The following DNHD1 variants were observed in gnomAD, a reference collection of about 807,000 sequenced individuals.
The protein encoded by DNHD1 is dynein heavy chain domain-containing protein 1.
DNHD1 carries 383 observed loss-of-function variants against 458.1 expected under a neutral mutation model. That is an observed-to-expected ratio of 0.84 (90% CI 0.77 to 0.91). The LOEUF is 0.91. DNHD1 is among the 40% of genes least tolerant of loss of function. DNHD1 has a pLI of 0.00. For synonymous variants in DNHD1, 2,203 were observed against 2,376.9 expected (o/e 0.93, Z 2.13); for missense variants, 5,336 against 5,866.1 (o/e 0.91, Z 2.95).
At chr11:6,519,564 C>G (rs1453704629) in intron 7 of DNHD1, 36 bp from the exon 8 acceptor site, 1 of 1,610,190 alleles carries the variant, frequency 6.2e-7, no homozygotes. Context: ...TGCTCTCCAT[C>G]CCCCTATCTG....
In DNHD1 at chr11:6,546,341, A is replaced by G. The variant is rs1227339981; in HGVS notation, c.5402A>G (p.Tyr1801Cys). Residue 1801 changes from tyrosine (Y) to cysteine (C), a missense_variant, in exon 21 of 43, where the codon TAT (tyrosine) becomes TGT (cysteine). Tyr to Cys is a radical substitution (Grantham distance 194). Coordinates refer to ENST00000254579, the MANE Select transcript of DNHD1 (RefSeq NM_144666.3). The part of the protein sequence containing the change: ...EKHHVSVRLG[Y>C]GCLLVLRALS... ...CATCACGTGTCTGTGCGCCTTGGCT[A>G]TGGCTGTCTCCTGGTACTGCGTGCC... 5 of 1,552,274 alleles carry G rather than the reference A, an allele frequency of 3.2e-6. No individual in the cohort carries two copies. The highest frequency in any genetic ancestry group is 2.4e-5 in the East Asian group (1 of 40,910).
rs907784548 is a variant in DNHD1, at chr11:6,564,135, C to T, written c.10284+11C>T. 6.5e-7 allele frequency: 1 copy of T among 1,545,788 alleles called. No individual in the cohort carries two copies. Among genetic ancestry groups the T allele is most frequent in the Admixed American group, 2.0e-5 (1 of 50,922 alleles). On this transcript the variant is annotated intron_variant, in intron 31 of 42. Transcript: ENST00000254579. ...ACTACACAGCTCCAGGTAACCATCC[C>T]CCTCCCAGATGTCTCCCCCAAAGTT... is the stretch of plus-strand genomic sequence containing the variant.
rs764364083 is a variant in DNHD1, at chr11:6,546,999, C to T, written c.6060C>T (p.Thr2020=). ...TGGCAGCCATGGAGGACACCTCAAC[C>T]CAAGGCTGCCAGCCTGTGGAAATTA... ...NRLAAMEDTS[T]QGCQPVEITH... Residue 2020 remains threonine (T), a synonymous_variant, in exon 21 of 43, where the codon ACC becomes ACT. Coordinates refer to ENST00000254579, the MANE Select transcript of DNHD1 (RefSeq NM_144666.3). 8 of 1,551,452 alleles carry T rather than the reference C, an allele frequency of 5.2e-6. No homozygotes were observed. The highest frequency in any genetic ancestry group is 7.0e-6 in the Non-Finnish European group (8 of 1,146,924).
At chr11:6,558,874 A>T in intron 26 of DNHD1, 28 bp from the exon 27 acceptor site, 3 of 1,550,426 alleles carry the variant, frequency 1.9e-6, no homozygotes, top group Non-Finnish European at 2.6e-6. Context: ...AAGCTCACAG[A>T]GTGAGGCTAA....
In DNHD1 at chr11:6,546,891, G is replaced by C; in HGVS notation, c.5952G>C (p.Arg1984=). ...AACAGTTGAGCCAGGCCCTGAGCCGGGCCTCAGGCATTCTGCTCCTGGGCC... is the reference window on the plus strand; with the variant it reads ...AACAGTTGAGCCAGGCCCTGAGCCGCGCCTCAGGCATTCTGCTCCTGGGCC... The part of the protein sequence containing the change: ...SLEQLSQALS[R]ASGILLLGPA... Residue 1984 remains arginine (R), a synonymous_variant, in exon 21 of 43, where the codon CGG becomes CGC. Coordinates refer to ENST00000254579, the MANE Select transcript of DNHD1 (RefSeq NM_144666.3). The C allele has an allele frequency of 6.4e-7, 1 of 1,551,718 alleles. No homozygotes were observed. Among genetic ancestry groups the C allele is most frequent in the Non-Finnish European group, 8.7e-7 (1 of 1,146,984 alleles).
At position 6,558,970 on chromosome 11, in the gene DNHD1, C is replaced by G. The variant is rs1307847778; in HGVS notation, c.9280C>G (p.Leu3094Val). Residue 3094 changes from leucine to valine, a missense_variant, in exon 27 of 43, where the codon CTT becomes GTT. By Grantham distance (32) the Leu-to-Val change is conservative. Transcript: ENST00000254579. ...SVAKAMALIH[L>V]SATHYHEHLC... ...GGCCAAAGCCATGGCTCTTATCCAC[C>G]TTTCGGCCACCCACTACCATGAGCA... 6.4e-7 allele frequency: 1 copy of G among 1,551,738 alleles called. No homozygotes were observed. The highest frequency in any genetic ancestry group is 8.7e-7 in the Non-Finnish European group (1 of 1,147,008).
At chr11:6,542,916 G>T (rs1485179396) in intron 18 of DNHD1, among the ~76,000 whole-genome samples, 1 of 152,166 alleles carries the variant, frequency 6.6e-6, no homozygotes, top group Non-Finnish European at 1.5e-5. Context: ...GTGCTACCTC[G>T]TCATAATCTT....
intron 3 of DNHD1, among the ~76,000 whole-genome samples, chr11:6,499,444 C>T (rs1027686402): frequency 6.6e-6 from 1 of 152,184 alleles, no homozygotes; most frequent in Non-Finnish European, 1.5e-5. Flanking sequence ...GGCTCCAAGG[C>T]AGAGTGGAGT....
In DNHD1 at chr11:6,546,241, CAGG is replaced by C. The variant is rs1853214830; in HGVS notation, c.5306_5308del (p.Glu1769del). 1.9e-6 allele frequency: 3 copies of C among 1,552,056 alleles called. No individual in the cohort carries two copies. The African/African-American group carries it at 4.1e-5, about 21-fold the overall frequency. On this transcript the variant is annotated inframe_deletion, in exon 21 of 43. Transcript: ENST00000254579. ...GCACCACTTGTATGCCCCACTGTAC[CAGG>C]AGGCTTCCCGAAACACAAGCACCAT...
chr11:6,509,088 G>T lies in DNHD1; in HGVS notation c.1124+5G>T, dbSNP rs766092670. The T allele has an allele frequency of 1.2e-6, 2 of 1,614,172 alleles. No individual in the cohort carries two copies. The highest frequency in any genetic ancestry group is 1.7e-6 in the Non-Finnish European group (2 of 1,180,008). ...CTTACGCAAGTCCTTTACCTGGTAGGTAATGACGGATATGTGATTTGGGGG... is the reference window on the plus strand; with the variant it reads ...CTTACGCAAGTCCTTTACCTGGTAGTTAATGACGGATATGTGATTTGGGGG... On this transcript the variant is annotated splice_donor_5th_base_variant and intron_variant, in intron 5 of 42. Coordinates refer to ENST00000254579, the MANE Select transcript of DNHD1 (RefSeq NM_144666.3).
chr11:6,571,859 G>A lies in DNHD1; in HGVS notation c.14135G>A (p.Gly4712Glu). 1 of 1,614,010 alleles carries A rather than the reference G, an allele frequency of 6.2e-7. No individual in the cohort carries two copies. The highest frequency in any genetic ancestry group is 1.1e-5 in the South Asian group (1 of 91,088). ...LTVYSCPVYM[G>E]GPLGTAKLQS... The stretch of plus-strand genomic sequence containing the variant: ...GTGTACTCGTGTCCTGTGTACATGG[G>A]AGGGCCCCTTGGCACCGCTAAGCTG... Residue 4712 changes from glycine to glutamate, a missense_variant, in exon 43 of 43, where the codon GGA becomes GAA. Transcript: ENST00000254579. The surrounding 1 kb of genome is among the most constrained non-coding windows in gnomAD (Gnocchi z 5.0).
At chr11:6,540,119 CT>C (rs1375216672) in intron 18 of DNHD1, 36 bp downstream of exon 18, 1 of 1,526,582 alleles carries the variant, frequency 6.6e-7, no homozygotes, top group South Asian at 1.2e-5. Flanking sequence ...TGAAAGCCCC[CT>C]GCTGGGGGCC....
At position 6,571,646 on chromosome 11, in the gene DNHD1, G is replaced by A. The variant is rs1274377408; in HGVS notation, c.13922G>A (p.Gly4641Asp). The A allele has an allele frequency of 3.1e-6, 5 of 1,587,636 alleles. No individual in the cohort carries two copies. The highest frequency in any genetic ancestry group is 4.3e-6 in the Non-Finnish European group (5 of 1,165,538). Reference protein sequence around the residue: ...SNPLHFRVENGPNPTVPERGL... With the variant: ...SNPLHFRVENDPNPTVPERGL... ...TTCTGACGCCCCCAGGTGGAGAATG[G>A]TCCAAATCCCACGGTTCCAGAGAGA... The change falls in exon 43 of 43, where the codon GGT becomes GAT. Residue 4641 changes from glycine (G) to aspartate (D), a missense_variant. Transcript: ENST00000254579. This position sits in a 1 kb window ranked among gnomAD's most constrained non-coding sequence, Gnocchi z 5.0.
chr11:6,498,072 C>A lies in DNHD1; in HGVS notation c.-144C>A. 2 of 1,152,328 alleles carry A rather than the reference C, an allele frequency of 1.7e-6. No individual in the cohort carries two copies. Among genetic ancestry groups the A allele is most frequent in the Non-Finnish European group, 2.5e-6 (2 of 805,044 alleles). The allele number at this position is 1,152,328 out of a possible 1,614,324, so 71.4% of individuals were successfully genotyped here. Reference sequence around the variant, plus strand: ...CCCCATTGACTCTGACCATCCCCTGCCCAGAGCCTGAGGTCCCTTCTCTGG... The same window carrying A: ...CCCCATTGACTCTGACCATCCCCTGACCAGAGCCTGAGGTCCCTTCTCTGG... On this transcript the variant is annotated 5_prime_UTR_variant, in exon 3 of 43. Transcript: ENST00000254579.
chr11:6,506,060 A>G (rs188211487), intron 4 of DNHD1, among the ~76,000 whole-genome samples: 7 of 149,470 alleles, frequency 4.7e-5, no homozygotes, highest in Admixed American at 3.4e-4. Flanking sequence ...TAAAAAGGCA[A>G]TGGATGATTA....
In DNHD1 at chr11:6,558,942, T is replaced by C; in HGVS notation, c.9252T>C (p.Ser3084=). The part of the protein sequence containing the change: ...KYPDLQASIP[S]VAKAMALIHL... ...CAGACCTCCAGGCCTCAATTCCCAG[T>C]GTGGCCAAAGCCATGGCTCTTATCC... The change falls in exon 27 of 43, where the codon AGT becomes AGC. Residue 3084 remains serine, a synonymous_variant. Transcript: ENST00000254579. The C allele has an allele frequency of 6.4e-7, 1 of 1,551,718 alleles. No homozygotes were observed. The highest frequency in any genetic ancestry group is 1.2e-5 in the South Asian group (1 of 84,064).
intron 3 of DNHD1, among the ~76,000 whole-genome samples, chr11:6,500,472 C>G (rs375455073): frequency 3.3e-5 from 5 of 152,346 alleles, no homozygotes; most frequent in African/African-American, 1.2e-4. Context: ...GATAGGCAGG[C>G]TCCTGGGGCC....
chr11:6,540,421 T>C (rs772695975), intron 18 of DNHD1, among the ~76,000 whole-genome samples: 30 of 152,348 alleles, frequency 2.0e-4, no homozygotes, highest in Non-Finnish European at 3.5e-4. Flanking sequence ...TGTCTGATTT[T>C]ATACCTTATT....
Position 6,548,431 on chromosome 11 carries a change from G to T in DNHD1, c.7098+29G>T. The T allele has an allele frequency of 6.5e-7, 1 of 1,546,968 alleles. No individual in the cohort carries two copies. The highest frequency in any genetic ancestry group is 8.7e-7 in the Non-Finnish European group (1 of 1,143,958). On this transcript the variant is annotated intron_variant, in intron 23 of 42. Coordinates refer to ENST00000254579, the MANE Select transcript of DNHD1 (RefSeq NM_144666.3). The surrounding 1 kb of genome is among the most constrained non-coding windows in gnomAD (Gnocchi z 4.4). Reference sequence around the variant, plus strand: ...TGAGGACAGTAAGGCAAGAGCTGGGGTTAGAACTTCAGGACTTATTTTAGG... The same window carrying T: ...TGAGGACAGTAAGGCAAGAGCTGGGTTTAGAACTTCAGGACTTATTTTAGG...
Sources: gnomAD v4.1 joint callset for allele counts (sites outside exome capture counted in the v4.1 genomes callset) on GRCh38, gnomAD v4.1.1 for gene constraint, Gnocchi (gnomAD v3.1) non-coding constraint, MANE v1.5 for transcripts, NCBI Gene and HGNC (gene_info 2026-07-23, HGNC 2026-07-21) for gene names.